The following PSD3 variants were observed in gnomAD, a reference collection of about 807,000 sequenced individuals.
PSD3 encodes PH and SEC7 domain-containing protein 3.
A neutral mutation model predicts 105.5 loss-of-function variants in PSD3; 49 were observed. The ratio of observed to expected loss-of-function variants is 0.46; its 90% CI spans 0.37 to 0.59. The LOEUF is 0.59. Among genes scored for constraint, PSD3 ranks in the 20% least tolerant of loss-of-function variants. The probability of loss-of-function intolerance (pLI) is 0.00; values close to 1 mark genes in which losing one functional copy is unlikely to be tolerated. For synonymous variants in PSD3, 557 were observed against 457.8 expected (o/e 1.22, Z -2.77); for missense variants, 1,561 against 1,263.8 (o/e 1.24, Z -3.57).
At chr8:19,034,890 C>T (rs1250045548) in intron 1 of PSD3, among the ~76,000 whole-genome samples, 1 of 152,160 alleles carries the variant, frequency 6.6e-6, no homozygotes, top group African/African-American at 2.4e-5. Flanking sequence ...TGCCCTCCCT[C>T]TGCATCCCCT....
chr8:18,593,519 G>A (rs1803768030), intron 12 of PSD3, among the ~76,000 whole-genome samples: 1 of 152,120 alleles, frequency 6.6e-6, no homozygotes, highest in Non-Finnish European at 1.5e-5. Flanking sequence ...CTTTTACACT[G>A]TTGGTGGGAC....
intron 2 of PSD3, among the ~76,000 whole-genome samples, chr8:18,884,526 T>C (rs143075528): frequency 0.01 from 1,544 of 152,304 alleles, 17 homozygotes; most frequent in Middle Eastern, 0.024. Context: ...AGTCACATTT[T>C]GAAGAAAACT....
chr8:18,791,929 T>C (rs748316143), intron 8 of PSD3, among the ~76,000 whole-genome samples: 3 of 152,052 alleles, frequency 2.0e-5, no homozygotes, highest in Non-Finnish European at 4.4e-5. Context: ...AAGAGACACT[T>C]CTCAAAAGAC....
chr8:19,006,814 A>G (rs1249828735), intron 1 of PSD3, among the ~76,000 whole-genome samples: 1 of 152,098 alleles, frequency 6.6e-6, no homozygotes, highest in African/African-American at 2.4e-5. Context: ...ATGAAAATCA[A>G]CTGGGCCTCC....
intron 9 of PSD3, among the ~76,000 whole-genome samples, chr8:18,716,916 G>A (rs1363536353): frequency 6.6e-6 from 1 of 152,122 alleles, no homozygotes; most frequent in Admixed American, 6.5e-5. Context: ...CCTTCTCTAA[G>A]ACCAAGAGGA....
intron 2 of PSD3, among the ~76,000 whole-genome samples, chr8:18,904,279 C>A (rs992432734): frequency 6.6e-6 from 1 of 152,176 alleles, no homozygotes; most frequent in Non-Finnish European, 1.5e-5. Context: ...CACCAAGCCA[C>A]TCATGAGGGA....
chr8:18,949,236 AAAAAAAAAATATATATATATATATAT>A (rs1477266717), intron 1 of PSD3, among the ~76,000 whole-genome samples: 3 of 54,446 alleles, frequency 5.5e-5, no homozygotes, highest in East Asian at 4.6e-4. Flanking sequence ...AAAAAAAAAA[AAAAAAAAAATATATATATATATATAT>A]ATATATATAT....
At chr8:19,053,660 T>C (rs1828605798) in intron 1 of PSD3, among the ~76,000 whole-genome samples, 1 of 151,630 alleles carries the variant, frequency 6.6e-6, no homozygotes, top group African/African-American at 2.4e-5. Flanking sequence ...TGGGTGGTGG[T>C]GGGCGCCTGT....
At chr8:18,735,055 T>C (rs571701021) in intron 9 of PSD3, among the ~76,000 whole-genome samples, 4 of 152,320 alleles carry the variant, frequency 2.6e-5, no homozygotes, top group Non-Finnish European at 5.9e-5. Flanking sequence ...ACTCATGCCT[T>C]AGCATACAGA....
intron 4 of PSD3, among the ~76,000 whole-genome samples, chr8:18,862,163 T>C (rs1816501672): frequency 6.6e-6 from 1 of 152,216 alleles, no homozygotes; most frequent in African/African-American, 2.4e-5. Context: ...TTCTTGATTT[T>C]TGTTCCATCT....
intron 9 of PSD3, among the ~76,000 whole-genome samples, chr8:18,753,416 G>A (rs768786559): frequency 3.3e-5 from 5 of 151,830 alleles, no homozygotes; most frequent in Non-Finnish European, 7.4e-5. Context: ...AAGATGGTAT[G>A]TTGTGAAGAG....
chr8:18,674,115 C>T (rs1336112436), intron 9 of PSD3, among the ~76,000 whole-genome samples: 1 of 151,712 alleles, frequency 6.6e-6, no homozygotes, highest in South Asian at 2.1e-4. Flanking sequence ...CACTGCAGTC[C>T]AGACTGGATG....
chr8:18,599,162 T>TA (rs1256016568), intron 12 of PSD3, among the ~76,000 whole-genome samples: 23 of 152,182 alleles, frequency 1.5e-4, no homozygotes, highest in Non-Finnish European at 5.9e-5. Flanking sequence ...CAAAACATAT[T>TA]ACCAAGCTAC....
chr8:18,775,019 C>G (rs1198036051), intron 8 of PSD3: 3 of 454,480 alleles, frequency 6.6e-6, no homozygotes, highest in East Asian at 7.0e-5. Context: ...TGTGCCCCTC[C>G]TCCTCCTACC....
At chr8:18,934,661 T>G (rs1821990577) in intron 2 of PSD3, among the ~76,000 whole-genome samples, 1 of 152,146 alleles carries the variant, frequency 6.6e-6, no homozygotes, top group Non-Finnish European at 1.5e-5. Flanking sequence ...TTCTAAGACA[T>G]AAGTCACTAT....
intron 9 of PSD3, among the ~76,000 whole-genome samples, chr8:18,744,158 A>T (rs12548898): frequency 0.035 from 5,261 of 152,340 alleles, 217 homozygotes; most frequent in East Asian, 0.15. Flanking sequence ...ATAATTAGGT[A>T]ATCATATTTT....
chr8:18,956,524 T>C (rs1301495238), intron 1 of PSD3, among the ~76,000 whole-genome samples: 3 of 152,158 alleles, frequency 2.0e-5, no homozygotes, highest in Non-Finnish European at 4.4e-5. Flanking sequence ...TGGTAGTCAA[T>C]TTAAGGAAAG....
In PSD3 at chr8:18,535,697, A is replaced by G; in HGVS notation, c.*46T>C. On this transcript the variant is annotated 3_prime_UTR_variant, in exon 16 of 16. Coordinates refer to ENST00000327040, the MANE Select transcript of PSD3 (RefSeq NM_015310.4). Reference sequence around the variant, plus strand: ...CGGATTACCAGAAAGATCTTGAAAAACCCTATTTTGCTCCATGACCAGCAC... The same window carrying G: ...CGGATTACCAGAAAGATCTTGAAAAGCCCTATTTTGCTCCATGACCAGCAC... 1 of 1,478,188 alleles carries G rather than the reference A, an allele frequency of 6.8e-7. No homozygotes were observed. The highest frequency in any genetic ancestry group is 9.5e-7 in the Non-Finnish European group (1 of 1,057,654). The allele number at this position is 1,478,188 out of a possible 1,614,324, so 91.6% of individuals were successfully genotyped here. A position where few individuals can be genotyped will look rare whatever the true frequency, so the allele number is the denominator to read the frequency against.
chr8:18,831,683 T>C (rs928668714), intron 4 of PSD3, among the ~76,000 whole-genome samples: 1 of 151,950 alleles, frequency 6.6e-6, no homozygotes, highest in Non-Finnish European at 1.5e-5. Flanking sequence ...GATGGCACCA[T>C]TGCACTCCAG....
Sources: allele counts gnomAD v4.1 joint callset (sites outside exome capture counted in the v4.1 genomes callset), GRCh38; gene constraint gnomAD v4.1.1; transcripts MANE v1.5; gene names NCBI Gene and HGNC (gene_info 2026-07-23, HGNC 2026-07-21).